Variants in CNTN4 observed in about 807,000 individuals in gnomAD.
CNTN4 encodes the protein contactin 4, also known as contactin-4.
CNTN4 carries 77 observed loss-of-function variants against 122.5 expected under a neutral mutation model. The ratio of observed to expected loss-of-function variants is 0.63; its 90% confidence interval spans 0.52 to 0.76. CNTN4 has a LOEUF of 0.76. Among genes scored for constraint, CNTN4 ranks in the 30% least tolerant of loss-of-function variants. The probability of loss-of-function intolerance (pLI) is 0.00; values close to 1 mark genes in which losing one functional copy is unlikely to be tolerated. For missense variants in CNTN4, 1,256 were observed against 1,259.1 expected (o/e 1.00, Z 0.04); for synonymous variants, 512 against 447.0 (o/e 1.15, Z -1.83).
At chr3:2,111,813 C>A (rs1201218364) in intron 2 of CNTN4, among the ~76,000 whole-genome samples, 2 of 152,050 alleles carry the variant, frequency 1.3e-5, no homozygotes, top group African/African-American at 4.8e-5. Flanking sequence ...ATTAGACCAT[C>A]CCTAAAAATG....
At chr3:2,644,238 T>C (rs2083019847) in intron 4 of CNTN4, among the ~76,000 whole-genome samples, 1 of 152,172 alleles carries the variant, frequency 6.6e-6, no homozygotes, top group Non-Finnish European at 1.5e-5. Flanking sequence ...TCATAGATGC[T>C]CTCAATAATA....
chr3:2,390,406 TC>T lies in CNTN4; in HGVS notation c.-89+51174del, dbSNP rs1183490304. ...AAGAAAGATGCACCTAGTTAAAGTT[TC>T]TATCCATTAATATATAATCAGAGGG... On this transcript the variant is annotated intron_variant, in intron 3 of 24. Coordinates refer to ENST00000418658, the MANE Select transcript of CNTN4 (RefSeq NM_175607.3). Among the ~76,000 whole-genome samples the T allele has an allele frequency of 2.0e-5, 3 of 152,266 alleles. No homozygotes were observed. In the East Asian group the frequency reaches 5.8e-4, roughly 29 times the overall value.
chr3:2,273,908 C>A (rs2041397948), intron 2 of CNTN4, among the ~76,000 whole-genome samples: 1 of 152,080 alleles, frequency 6.6e-6, no homozygotes, highest in Non-Finnish European at 1.5e-5. Context: ...ATTTCTTTTT[C>A]TTTGCCTTCG....
chr3:2,905,681 A>G (rs1306783522), intron 12 of CNTN4, among the ~76,000 whole-genome samples: 1 of 152,264 alleles, frequency 6.6e-6, no homozygotes, highest in Non-Finnish European at 1.5e-5. Context: ...CATGTTTCAC[A>G]TAAGAACAAT....
At chr3:2,728,701 A>G (rs1435064032) in intron 4 of CNTN4, among the ~76,000 whole-genome samples, 1 of 152,206 alleles carries the variant, frequency 6.6e-6, no homozygotes, top group Non-Finnish European at 1.5e-5. Context: ...AAAGCTACCT[A>G]CCCTCCAGAT....
At chr3:2,369,381 A>AT (rs1404036063) in intron 3 of CNTN4, among the ~76,000 whole-genome samples, 1 of 152,142 alleles carries the variant, frequency 6.6e-6, no homozygotes, top group Non-Finnish European at 1.5e-5. Flanking sequence ...TCTTGTATCA[A>AT]TTTTTAAAAC....
At position 2,745,991 on chromosome 3, in the gene CNTN4, T is replaced by A. The variant is rs543454503; in HGVS notation, c.358+294T>A. 7.9e-5 allele frequency among the ~76,000 whole-genome samples: 11 copies of A among 139,296 alleles called. No individual in the cohort carries two copies. In the East Asian group the frequency reaches 2.2e-3, roughly 28 times the overall value. The allele number at this position is 139,296 out of a possible 152,430, so 91.4% of individuals were successfully genotyped here. On this transcript the variant is annotated intron_variant, in intron 6 of 24. Transcript: ENST00000418658. Reference sequence around the variant, plus strand: ...ATTCACACACTGAGATTGACACATGTATAAATTTATGTAAACAACAAATTT... The same window carrying A: ...ATTCACACACTGAGATTGACACATGAATAAATTTATGTAAACAACAAATTT...
At chr3:2,624,189 T>C (rs952990250) in intron 4 of CNTN4, among the ~76,000 whole-genome samples, 5 of 152,246 alleles carry the variant, frequency 3.3e-5, no homozygotes, top group Non-Finnish European at 7.3e-5. Flanking sequence ...TTTGTAATTC[T>C]GTGTATGTTA....
chr3:2,172,834 T>C (rs2036575375), intron 2 of CNTN4, among the ~76,000 whole-genome samples: 1 of 151,816 alleles, frequency 6.6e-6, no homozygotes, highest in Non-Finnish European at 1.5e-5. Flanking sequence ...GTAGAGGAAA[T>C]GGAATTGGAA....
At chr3:2,955,122 A>G (rs909773203) in intron 13 of CNTN4, among the ~76,000 whole-genome samples, 2 of 152,182 alleles carry the variant, frequency 1.3e-5, no homozygotes, top group Admixed American at 6.5e-5. Flanking sequence ...GAAACATTAC[A>G]AAGTTAAATG....
intron 13 of CNTN4, among the ~76,000 whole-genome samples, chr3:2,981,562 G>GA (rs112212982): frequency 0.053 from 7,515 of 141,848 alleles, 198 homozygotes; most frequent in African/African-American, 0.074. Context: ...CTATATTCAT[G>GA]AAAAAAAAAA....
intron 2 of CNTN4, among the ~76,000 whole-genome samples, chr3:2,222,017 T>G (rs1475126039): frequency 6.6e-6 from 1 of 152,066 alleles, no homozygotes; most frequent in Non-Finnish European, 1.5e-5. Context: ...TAAAATAGAG[T>G]TAACATTTCA....
chr3:2,827,897 T>C (rs1388147975), intron 7 of CNTN4, among the ~76,000 whole-genome samples: 1 of 152,212 alleles, frequency 6.6e-6, no homozygotes, highest in African/African-American at 2.4e-5. Context: ...CTTAAACATA[T>C]TTTTATATGG....
intron 13 of CNTN4, among the ~76,000 whole-genome samples, chr3:2,931,423 G>C (rs1033404264): frequency 6.6e-6 from 1 of 152,088 alleles, no homozygotes; most frequent in African/African-American, 2.4e-5. Context: ...CAAATAAAGA[G>C]GTTACTGTTA....
intron 2 of CNTN4, among the ~76,000 whole-genome samples, chr3:2,328,679 A>G (rs2043581687): frequency 6.6e-6 from 1 of 152,080 alleles, no homozygotes; most frequent in Non-Finnish European, 1.5e-5. Context: ...AAAAAACAAT[A>G]AAAAATAACA....
Position 2,620,132 on chromosome 3 carries a change from A to G in CNTN4, c.55+48574A>G, listed in dbSNP as rs114868767. 3.3e-3 allele frequency among the ~76,000 whole-genome samples: 502 copies of G among 152,322 alleles called. 1 individual carries two copies. The highest frequency in any genetic ancestry group is 0.011 in the African/African-American group (461 of 41,560). ...TAAAAGCAGGACAATGCCATACCAT[A>G]TGAAATCATATTTTACTTCTCACTT... On this transcript the variant is annotated intron_variant, in intron 4 of 24. Coordinates refer to ENST00000418658, the MANE Select transcript of CNTN4 (RefSeq NM_175607.3).
At chr3:2,102,990 C>T (rs2032115519) in intron 2 of CNTN4, among the ~76,000 whole-genome samples, 1 of 150,930 alleles carries the variant, frequency 6.6e-6, no homozygotes, top group Non-Finnish European at 1.5e-5. Context: ...TTAATACATA[C>T]ATAATGCTTA....
intron 3 of CNTN4, among the ~76,000 whole-genome samples, chr3:2,548,471 G>T (rs749469504): frequency 5.1e-4 from 77 of 152,136 alleles, no homozygotes; most frequent in Admixed American, 7.2e-4. Context: ...GTTCTTCAAA[G>T]ATCACATGGT....
At chr3:2,583,655 C>G (rs1287813220) in intron 4 of CNTN4, among the ~76,000 whole-genome samples, 2 of 152,154 alleles carry the variant, frequency 1.3e-5, no homozygotes, top group African/African-American at 4.8e-5. Flanking sequence ...ACTTTTTAAA[C>G]TCTAGAACTT....
Sources: gnomAD v4.1 joint callset for allele counts (sites outside exome capture counted in the v4.1 genomes callset) on GRCh38, gnomAD v4.1.1 for gene constraint, MANE v1.5 for transcripts, NCBI Gene and HGNC (gene_info 2026-07-23, HGNC 2026-07-21) for gene names.